The following THUMPD2 variants were observed in gnomAD, a reference collection of about 807,000 sequenced individuals.
THUMPD2 encodes THUMP domain 2 tRNA and snRNA guanosine methyltransferase, also known as U6 snRNA (guanine-N(2))-methyltransferase THUMPD2.
Under a neutral mutation model 49.4 loss-of-function variants are expected in THUMPD2, and 56 were observed. That is an observed-to-expected ratio of 1.13 (90% CI 0.91 to 1.41). The LOEUF is 1.41. Ranked by LOEUF, THUMPD2 falls within the 40% of genes most tolerant of loss-of-function variation. THUMPD2 has a pLI of 0.00. For missense variants in THUMPD2, 709 were observed against 594.5 expected (o/e 1.19, Z -2.00); for synonymous variants, 237 against 205.2 (o/e 1.15, Z -1.32).
At chr2:39,743,279 A>C (rs1054717265) in intron 9 of THUMPD2, among the ~76,000 whole-genome samples, 1 of 152,206 alleles carries the variant, frequency 6.6e-6, no homozygotes, top group Non-Finnish European at 1.5e-5. Context: ...ATGTCCATTC[A>C]TAACTGTATG....
chr2:39,738,166 G>A (rs1438559310), intron 9 of THUMPD2, among the ~76,000 whole-genome samples: 2 of 152,272 alleles, frequency 1.3e-5, no homozygotes, highest in South Asian at 2.1e-4. Flanking sequence ...AGTGACGGAG[G>A]AGAAGACCCA....
At chr2:39,755,984 G>T (rs1459057020) in intron 6 of THUMPD2, 24 bp from the exon 7 acceptor site, 5 of 1,603,374 alleles carry the variant, frequency 3.1e-6, no homozygotes, top group Non-Finnish European at 4.3e-6. Context: ...TATTAATTTG[G>T]TATTATTAAG....
rs557881228 is a variant in THUMPD2 at position 39,755,477 on chromosome 2, A to T, written c.964-68T>A. On this transcript the variant is annotated intron_variant, in intron 7 of 9. Coordinates refer to ENST00000505747, the MANE Select transcript of THUMPD2 (RefSeq NM_025264.5). ...ATATTTCATGTAGTTAAGAAAATCGACTTGCATTTTCTCAAATGACAAGTG... is the reference window on the plus strand; with the variant it reads ...ATATTTCATGTAGTTAAGAAAATCGTCTTGCATTTTCTCAAATGACAAGTG... The T allele has an allele frequency of 4.7e-5, 50 of 1,057,020 alleles. No individual in the cohort carries two copies. The African/African-American group carries it at 6.9e-4, about 15-fold the overall frequency. The allele number at this position is 1,057,020 out of a possible 1,614,324, so 65.5% of individuals were successfully genotyped here. A position where few individuals can be genotyped will look rare whatever the true frequency, so the allele number is the denominator to read the frequency against.
At chr2:39,770,488 T>G (rs749516831) in intron 2 of THUMPD2, among the ~76,000 whole-genome samples, 4 of 152,112 alleles carry the variant, frequency 2.6e-5, no homozygotes, top group African/African-American at 4.8e-5. Flanking sequence ...AATTAAGTTT[T>G]TATAAGAAAA....
chr2:39,769,782 A>C lies in THUMPD2; in HGVS notation c.600T>G (p.His200Gln). ...QNDIEKAIDTHNQNDLTFRVS... is the reference protein window; with the variant it reads ...QNDIEKAIDTQNQNDLTFRVS... The stretch of plus-strand genomic sequence containing the variant: ...CTCTGAAAGTCAAGTCATTCTGATT[A>C]TGAGTATCAATTGCTTTCTCTATGT... Residue 200 changes from histidine (H) to glutamine (Q), a missense_variant, in exon 3 of 10, where the codon CAT becomes CAG. His to Gln is a conservative substitution (Grantham distance 24). Transcript: ENST00000505747. 1 of 1,603,362 alleles carries C rather than the reference A, an allele frequency of 6.2e-7. No homozygotes were observed.
Position 39,779,160 on chromosome 2 carries a change from T to C in THUMPD2, c.80A>G (p.Glu27Gly). The change falls in exon 1 of 10, where the codon GAG becomes GGG. Residue 27 changes from glutamate (E) to glycine (G), a missense_variant. By Grantham distance (98) the Glu-to-Gly change is moderately conservative. Transcript: ENST00000505747. Reference protein sequence around the residue: ...RFFCTAGRGLEPFVMREVRAR... With the variant: ...RFFCTAGRGLGPFVMREVRAR... ...CCGCACCTCTCGCATTACGAACGGC[T>C]CCAGGCCGCGACCCGCAGTGCAGAA... 6 of 1,521,300 alleles carry C rather than the reference T, an allele frequency of 3.9e-6. No homozygotes were observed. Among genetic ancestry groups the C allele is most frequent in the Non-Finnish European group, 5.3e-6 (6 of 1,140,000 alleles). 94.2% of individuals were successfully genotyped at this position (1,521,300 alleles called of 1,614,324 possible).
intron 4 of THUMPD2, among the ~76,000 whole-genome samples, chr2:39,767,094 T>A (rs1677623854): frequency 1.3e-5 from 2 of 152,224 alleles, no homozygotes; most frequent in South Asian, 2.1e-4. Context: ...CTCTGTCAAT[T>A]TTTTAGTCAC....
intron 9 of THUMPD2, among the ~76,000 whole-genome samples, chr2:39,737,352 G>C (rs570919336): frequency 6.6e-6 from 1 of 152,242 alleles, no homozygotes; most frequent in South Asian, 2.1e-4. Context: ...GCAAATGACA[G>C]AATCCTAAAG....
chr2:39,760,739 C>A (rs1384774431), intron 6 of THUMPD2, among the ~76,000 whole-genome samples: 2 of 151,446 alleles, frequency 1.3e-5, no homozygotes, highest in African/African-American at 4.9e-5. Flanking sequence ...TAAACTTAAC[C>A]AAGATAAAGA....
chr2:39,756,677 A>G (rs1676172412), intron 6 of THUMPD2, among the ~76,000 whole-genome samples: 2 of 152,114 alleles, frequency 1.3e-5, no homozygotes, highest in Admixed American at 1.3e-4. Flanking sequence ...ATTCCTGAAT[A>G]CAAATTATCA....
At position 39,769,788 on chromosome 2, in the gene THUMPD2, A is replaced by G; in HGVS notation, c.594T>C (p.Asp198=). The change falls in exon 3 of 10, where the codon GAT becomes GAC. Residue 198 remains aspartate, a synonymous_variant. Coordinates refer to ENST00000505747, the MANE Select transcript of THUMPD2 (RefSeq NM_025264.5). ...AAGTCAAGTCATTCTGATTATGAGT[A>G]TCAATTGCTTTCTCTATGTCATTCT... ...EFQNDIEKAI[D]THNQNDLTFR... The G allele has an allele frequency of 6.2e-7, 1 of 1,604,856 alleles. No individual in the cohort carries two copies. Among genetic ancestry groups the G allele is most frequent in the Non-Finnish European group, 8.5e-7 (1 of 1,177,778 alleles).
intron 6 of THUMPD2, among the ~76,000 whole-genome samples, chr2:39,759,720 T>G (rs1298966891): frequency 6.6e-6 from 1 of 152,230 alleles, no homozygotes; most frequent in Non-Finnish European, 1.5e-5. Context: ...TCTGCTCATC[T>G]GTGTCACCGG....
chr2:39,767,370 C>T lies in THUMPD2; in HGVS notation c.750+1054G>A, dbSNP rs538892639. ...CTGTAATCCCAGCACTTTGGGAGGC[C>T]GAGGCGGGCGGATCACGAGGTCAGG... On this transcript the variant is annotated intron_variant, in intron 4 of 9. Transcript: ENST00000505747. 1.6e-4 allele frequency among the ~76,000 whole-genome samples: 25 copies of T among 151,548 alleles called. No individual in the cohort carries two copies. In the South Asian group the frequency reaches 1.7e-3, roughly 10 times the overall value.
intron 6 of THUMPD2, among the ~76,000 whole-genome samples, chr2:39,759,905 A>G (rs1676595027): frequency 6.6e-6 from 1 of 152,230 alleles, no homozygotes; most frequent in South Asian, 2.1e-4. Flanking sequence ...AATACCTAAG[A>G]CAAGACTTTA....
intron 8 of THUMPD2, among the ~76,000 whole-genome samples, chr2:39,754,878 G>A (rs886686459): frequency 3.3e-5 from 5 of 152,068 alleles, no homozygotes; most frequent in African/African-American, 9.7e-5. Flanking sequence ...TGTATCTCAC[G>A]GATACTGTCT....
chr2:39,759,300 T>G (rs1359350954), intron 6 of THUMPD2, among the ~76,000 whole-genome samples: 6 of 151,798 alleles, frequency 4.0e-5, no homozygotes, highest in Non-Finnish European at 7.4e-5. Context: ...TTTGAAATAG[T>G]AATTATAGTT....
chr2:39,764,388 G>A (rs1038056297), intron 5 of THUMPD2, among the ~76,000 whole-genome samples: 6 of 152,212 alleles, frequency 3.9e-5, no homozygotes, highest in African/African-American at 1.4e-4. Flanking sequence ...ATAATAATTT[G>A]TGGAGAAGAT....
At chr2:39,750,881 T>A (rs1038658142) in intron 8 of THUMPD2, among the ~76,000 whole-genome samples, 2 of 152,208 alleles carry the variant, frequency 1.3e-5, no homozygotes, top group African/African-American at 4.8e-5. Context: ...TCTTAAGAAA[T>A]AGAAGCTCAA....
chr2:39,768,578 G>T (rs936188419), intron 3 of THUMPD2, 77 bp from the exon 4 acceptor site: 9 of 1,169,060 alleles, frequency 7.7e-6, no homozygotes, highest in Non-Finnish European at 1.2e-6. Context: ...AACTAACAGA[G>T]TAGCCTATAA....
Sources: gnomAD v4.1 joint callset for allele counts (sites outside exome capture counted in the v4.1 genomes callset) on GRCh38, gnomAD v4.1.1 for gene constraint, MANE v1.5 for transcripts, NCBI Gene and HGNC (gene_info 2026-07-23, HGNC 2026-07-21) for gene names.